Variants in PRH1 observed in about 807,000 individuals in gnomAD.
PRH1 encodes the protein proline rich protein HaeIII subfamily 1.
In PRH1, 7 loss-of-function variants were observed where a neutral mutation model predicts 7.9. That is an observed-to-expected ratio of 0.89 (90% confidence interval 0.50 to 1.67). The LOEUF (loss-of-function observed/expected upper bound fraction) is 1.67, where lower values mean the gene tolerates loss of function less well. PRH1 is among the 40% of genes most tolerant of loss of function. The pLI is 0.00. For missense variants in PRH1, 109 were observed against 223.6 expected, an observed-to-expected ratio of 0.49 and a Z score of 3.27; for synonymous variants, 45 against 80.8, an observed-to-expected ratio of 0.56 and a Z score of 2.38.
Position 10,930,856 on chromosome 12 carries a change from G to T in PRH1, c.-59+42799C>A, listed in dbSNP as rs371187450. The T allele has an allele frequency of 2.4e-5, 38 of 1,613,454 alleles. 1 individual carries two copies. The African/African-American group carries it at 4.7e-4, about 20-fold the overall frequency. On this transcript the variant is annotated intron_variant, in intron 2 of 3. Transcript: ENST00000539853. ...GCCACAAGGACCACCCCAACAGGGA[G>T]GCCATCCCCCTCCTCCTCAAGGAAG... is the stretch of plus-strand genomic sequence containing the variant.
At chr12:11,134,154 T>C (rs1946477110) in intron 1 of PRH1, 1 of 1,614,046 alleles carries the variant, frequency 6.2e-7, no homozygotes, top group Admixed American at 1.7e-5. Flanking sequence ...TCAATGGAAT[T>C]TACCAATGCT....
chr12:10,996,077 G>A (rs573834783), intron 1 of PRH1, among the ~76,000 whole-genome samples: 8 of 151,868 alleles, frequency 5.3e-5, no homozygotes, highest in African/African-American at 1.7e-4. Flanking sequence ...AGCACTTTGG[G>A]AGGCTGAGGC....
At chr12:10,986,749 T>G (rs758287944) in intron 1 of PRH1, 2 of 1,611,948 alleles carry the variant, frequency 1.2e-6, no homozygotes, top group South Asian at 2.2e-5. Flanking sequence ...ATCTTTTTTC[T>G]CTTCACCCAG....
rs553360410 is a variant in PRH1 at position 11,169,158 on chromosome 12, T to C, written n.39+2264A>G. Among the ~76,000 whole-genome samples the C allele has an allele frequency of 8.5e-5, 13 of 152,316 alleles. No individual in the cohort carries two copies. In the East Asian group the frequency reaches 2.5e-3, roughly 29 times the overall value. On this transcript the variant is annotated intron_variant and non_coding_transcript_variant, in intron 1 of 1. Transcript: ENST00000541175. ...CAGTCAATGCAGTTAATCTGTACAA[T>C]CAAGCCATTTCCAATCATGAATTTT... is the stretch of plus-strand genomic sequence containing the variant.
chr12:11,021,658 T>C, intron 1 of PRH1: 1 of 1,600,152 alleles, frequency 6.2e-7, no homozygotes, highest in Non-Finnish European at 8.5e-7. Context: ...AGTTGAGGGT[T>C]TCTCTTCTTT....
At chr12:11,054,261 G>A (rs778944039) in intron 1 of PRH1, among the ~76,000 whole-genome samples, 8 of 152,058 alleles carry the variant, frequency 5.3e-5, no homozygotes, top group Non-Finnish European at 5.9e-5. Context: ...TACCCCAAAA[G>A]TGACCTCTAG....
chr12:10,978,600 C>T (rs766680524), intron 1 of PRH1, among the ~76,000 whole-genome samples: 5 of 152,086 alleles, frequency 3.3e-5, no homozygotes, highest in Admixed American at 6.6e-5. Flanking sequence ...TAAAGAGTTT[C>T]TGCACAAGAA....
intron 1 of PRH1, among the ~76,000 whole-genome samples, chr12:11,084,680 T>C (rs909658356): frequency 6.8e-5 from 10 of 146,878 alleles, no homozygotes; most frequent in Non-Finnish European, 4.6e-5. Context: ...TTTTCTATTA[T>C]GTTTCAGAAT....
intron 2 of PRH1, among the ~76,000 whole-genome samples, chr12:10,941,008 C>T (rs1050594284): frequency 6.6e-6 from 1 of 152,088 alleles, no homozygotes; most frequent in African/African-American, 2.4e-5. Flanking sequence ...AAGGAAAAAT[C>T]CCAAGGCTAG....
At chr12:11,027,829 TTC>T (rs1941995217) in intron 1 of PRH1, among the ~76,000 whole-genome samples, 2 of 152,172 alleles carry the variant, frequency 1.3e-5, no homozygotes, top group Non-Finnish European at 2.9e-5. Context: ...TGTAAGACCA[TTC>T]TCTCTTCAGC....
chr12:11,154,525 G>A (rs1361152831), intron 1 of PRH1, among the ~76,000 whole-genome samples: 4 of 152,122 alleles, frequency 2.6e-5, no homozygotes, highest in African/African-American at 9.7e-5. Context: ...CAATGGCCTA[G>A]GACAAATTTC....
intron 1 of PRH1, chr12:11,022,611 T>C: frequency 7.1e-7 from 1 of 1,416,330 alleles, no homozygotes; most frequent in Non-Finnish European, 9.6e-7. Context: ...GTAACACTTG[T>C]TCTGAGTCCT....
At chr12:10,901,802 G>A (rs1181224692) in intron 2 of PRH1, among the ~76,000 whole-genome samples, 1 of 111,678 alleles carries the variant, frequency 9.0e-6, no homozygotes, top group Admixed American at 1.1e-4. Flanking sequence ...TAAGGAGGGA[G>A]GGGGAATGGA....
At position 11,094,390 on chromosome 12, in the gene PRH1, CA is replaced by C. The variant is rs1418638923; in HGVS notation, n.124-47203del. On this transcript the variant is annotated intron_variant and non_coding_transcript_variant, in intron 1 of 4. Transcript: ENST00000541977. ...TAGGTTTGGAGGGTTTTCTCCTGCA[CA>C]AAAACATAACTGATAAAAGAACTCT... Among the ~76,000 whole-genome samples, 9 of 107,310 alleles carry C rather than the reference CA, an allele frequency of 8.4e-5. 3 individuals are homozygous for C. Among genetic ancestry groups the C allele is most frequent in the Admixed American group, 1.9e-4 (2 of 10,400 alleles). The allele number at this position is 107,310 out of a possible 152,430, so 70.4% of individuals were successfully genotyped here. A position where few individuals can be genotyped will look rare whatever the true frequency, so the allele number is the denominator to read the frequency against.
intron 1 of PRH1, among the ~76,000 whole-genome samples, chr12:11,020,363 G>GATATATCTATCTATATATATAT (rs1941545453): frequency 2.3e-5 from 2 of 87,584 alleles, no homozygotes. Context: ...TATGATAAGC[G>GATATATCTATCTATATATATAT]ATATATATAT....
chr12:11,164,961 T>C (rs1438650779), intron 1 of PRH1, among the ~76,000 whole-genome samples: 1 of 152,186 alleles, frequency 6.6e-6, no homozygotes, highest in East Asian at 1.9e-4. Context: ...TGGCTATCAC[T>C]GATCTGTTTT....
intron 2 of PRH1, among the ~76,000 whole-genome samples, chr12:10,960,267 A>C (rs1357641955): frequency 6.6e-6 from 1 of 152,220 alleles, no homozygotes; most frequent in Non-Finnish European, 1.5e-5. Flanking sequence ...CAATTCACAG[A>C]AGCAGAGATA....
At chr12:11,071,041 G>T (rs1415408582) in intron 1 of PRH1, among the ~76,000 whole-genome samples, 7 of 150,390 alleles carry the variant, frequency 4.7e-5, no homozygotes, top group African/African-American at 1.7e-4. Flanking sequence ...ATCCTGCTTA[G>T]CCATTCATAA....
chr12:11,150,612 T>A (rs924807879), intron 1 of PRH1, among the ~76,000 whole-genome samples: 2 of 152,004 alleles, frequency 1.3e-5, no homozygotes, highest in African/African-American at 4.8e-5. Flanking sequence ...TAGGTGGGAA[T>A]TGAACAATGA....
Sources: gnomAD v4.1 joint callset for allele counts (sites outside exome capture counted in the v4.1 genomes callset) on GRCh38, gnomAD v4.1.1 for gene constraint, MANE v1.5 for transcripts, NCBI Gene and HGNC (gene_info 2026-07-23, HGNC 2026-07-21) for gene names.